The following MBOAT1 variants were observed in gnomAD, a reference collection of about 807,000 sequenced individuals.
MBOAT1 encodes the protein membrane bound glycerophospholipid O-acyltransferase 1.
Under a neutral mutation model 64.4 loss-of-function variants are expected in MBOAT1, and 67 were observed. That is an observed-to-expected ratio of 1.04 (90% CI 0.85 to 1.27). The LOEUF is 1.27. Among genes scored for constraint, MBOAT1 ranks in the 50% most tolerant of loss-of-function variants. MBOAT1 has a pLI of 0.00. For missense variants in MBOAT1, 563 were observed against 604.6 expected (o/e 0.93, Z 0.72); for synonymous variants, 229 against 218.9 (o/e 1.05, Z -0.41).
chr6:20,210,199 T>G (rs1763380778), intron 1 of MBOAT1, among the ~76,000 whole-genome samples: 2 of 152,158 alleles, frequency 1.3e-5, no homozygotes, highest in African/African-American at 4.8e-5. Flanking sequence ...CCATTTTACA[T>G]GAGGATGCTG....
At chr6:20,197,793 T>G (rs1312257854) in intron 1 of MBOAT1, among the ~76,000 whole-genome samples, 1 of 152,200 alleles carries the variant, frequency 6.6e-6, no homozygotes, top group Non-Finnish European at 1.5e-5. Flanking sequence ...GTGTCACAGG[T>G]GTATCCTTAA....
chr6:20,118,211 T>C (rs1193036479), intron 9 of MBOAT1, among the ~76,000 whole-genome samples: 2 of 152,040 alleles, frequency 1.3e-5, no homozygotes, highest in Non-Finnish European at 2.9e-5. Context: ...TGTGTCATTC[T>C]TCCTTGAACC....
In MBOAT1 at chr6:20,146,835, C is replaced by T. The variant is rs552621001; in HGVS notation, c.324-2520G>A. On this transcript the variant is annotated intron_variant, in intron 3 of 12. Coordinates refer to ENST00000324607, the MANE Select transcript of MBOAT1 (RefSeq NM_001080480.3). Reference sequence around the variant, plus strand: ...CAACGCATTCATGCCCTGGCCAAACCTAAAACATCTAAGGAATCAAGAAGT... The same window carrying T: ...CAACGCATTCATGCCCTGGCCAAACTTAAAACATCTAAGGAATCAAGAAGT... Among the ~76,000 whole-genome samples, 20 of 152,290 alleles carry T rather than the reference C, an allele frequency of 1.3e-4. No individual in the cohort carries two copies. The East Asian group carries it at 3.7e-3, about 28-fold the overall frequency.
chr6:20,175,930 T>C (rs1031330137), intron 1 of MBOAT1, among the ~76,000 whole-genome samples: 2 of 152,222 alleles, frequency 1.3e-5, no homozygotes, highest in Admixed American at 6.5e-5. Flanking sequence ...AAAAAATATA[T>C]ATACTTTTCT....
rs762594750 is a variant in MBOAT1 at position 20,130,972 on chromosome 6, T to G, written c.475+172A>C. 2.4e-4 allele frequency among the ~76,000 whole-genome samples: 37 copies of G among 152,146 alleles called. 1 individual carries two copies. The highest frequency in any genetic ancestry group is 4.7e-4 in the Non-Finnish European group (32 of 68,030). ...GCCGATTCTGCAGGAAAATGGTGAA[T>G]CATGGCTGGAAAAGTGAAAGGCTAT... On this transcript the variant is annotated intron_variant, in intron 5 of 12. Coordinates refer to ENST00000324607, the MANE Select transcript of MBOAT1 (RefSeq NM_001080480.3).
chr6:20,200,109 T>G (rs543291111), intron 1 of MBOAT1, among the ~76,000 whole-genome samples: 2 of 152,316 alleles, frequency 1.3e-5, no homozygotes, highest in East Asian at 3.9e-4. Context: ...ATAGAAGCTC[T>G]TTGCAAGATC....
intron 1 of MBOAT1, among the ~76,000 whole-genome samples, chr6:20,183,487 T>C (rs1762564672): frequency 1.3e-5 from 2 of 152,220 alleles, no homozygotes; most frequent in South Asian, 4.1e-4. Flanking sequence ...GAAAGTCTCC[T>C]AGACAGGATA....
At chr6:20,167,935 A>T (rs1228485704) in intron 1 of MBOAT1, among the ~76,000 whole-genome samples, 1 of 152,226 alleles carries the variant, frequency 6.6e-6, no homozygotes, top group African/African-American at 2.4e-5. Flanking sequence ...AGAAAAGCTC[A>T]AAGTCACTAA....
At position 20,124,389 on chromosome 6, in the gene MBOAT1, G is replaced by T. The variant is rs1333913351; in HGVS notation, c.907+19C>A. On this transcript the variant is annotated intron_variant, in intron 8 of 12. Coordinates refer to ENST00000324607, the MANE Select transcript of MBOAT1 (RefSeq NM_001080480.3). ...AGCATTTTTCCCTCATTCAGTTACA[G>T]CTACTCCATCAAACTTACCTAATGT... 1 of 1,608,630 alleles carries T rather than the reference G, an allele frequency of 6.2e-7. No homozygotes were observed. Among genetic ancestry groups the T allele is most frequent in the Admixed American group, 1.7e-5 (1 of 59,590 alleles).
chr6:20,142,806 C>T (rs533383928), intron 4 of MBOAT1, among the ~76,000 whole-genome samples: 2 of 152,234 alleles, frequency 1.3e-5, no homozygotes, highest in South Asian at 2.1e-4. Context: ...TGAGAAAGCA[C>T]GCTCCACAAT....
At chr6:20,200,937 G>A (rs1362562753) in intron 1 of MBOAT1, among the ~76,000 whole-genome samples, 5 of 152,060 alleles carry the variant, frequency 3.3e-5, no homozygotes, top group East Asian at 3.9e-4. Context: ...TAAACATCCC[G>A]GAGAGTATCT....
At chr6:20,196,187 C>T (rs1762950327) in intron 1 of MBOAT1, among the ~76,000 whole-genome samples, 1 of 152,168 alleles carries the variant, frequency 6.6e-6, no homozygotes, top group Non-Finnish European at 1.5e-5. Context: ...TTAAGTGAGC[C>T]TGGATTGGGA....
intron 1 of MBOAT1, among the ~76,000 whole-genome samples, chr6:20,170,784 T>A (rs1762165765): frequency 6.6e-6 from 1 of 152,186 alleles, no homozygotes; most frequent in Non-Finnish European, 1.5e-5. Context: ...CACTCTGTAT[T>A]GTAATGACCT....
chr6:20,153,277 A>C (rs1054093990), intron 1 of MBOAT1, among the ~76,000 whole-genome samples: 4 of 152,116 alleles, frequency 2.6e-5, no homozygotes, highest in Non-Finnish European at 5.9e-5. Context: ...GATGTGACAA[A>C]CCCAACAGTT....
chr6:20,112,071 A>G (rs1394718930), intron 11 of MBOAT1, among the ~76,000 whole-genome samples: 1 of 151,036 alleles, frequency 6.6e-6, no homozygotes, highest in East Asian at 1.9e-4. Flanking sequence ...TCCTGAATTC[A>G]CATCCAAAAT....
At chr6:20,124,028 G>C (rs112789740) in intron 8 of MBOAT1, among the ~76,000 whole-genome samples, 64 of 152,282 alleles carry the variant, frequency 4.2e-4, no homozygotes, top group African/African-American at 1.5e-3. Context: ...CTGCGCTCCA[G>C]CCTGGGCGAC....
chr6:20,109,902 C>CTTTTTTTTT (rs1158455991), intron 11 of MBOAT1, among the ~76,000 whole-genome samples, 153 bp from the exon 12 acceptor site: 1 of 94,118 alleles, frequency 1.1e-5, no homozygotes, highest in Non-Finnish European at 2.0e-5. Context: ...ACCATCAGGA[C>CTTTTTTTTT]TTTTTTTTTT....
chr6:20,151,601 C>T (rs936011203), intron 2 of MBOAT1, among the ~76,000 whole-genome samples: 65 of 152,188 alleles, frequency 4.3e-4, no homozygotes, highest in African/African-American at 1.5e-3. Flanking sequence ...CCCAAGATAC[C>T]GAGACTTCTA....
chr6:20,115,154 A>G lies in MBOAT1; in HGVS notation c.1076+134T>C, dbSNP rs1031756262. On this transcript the variant is annotated intron_variant, in intron 10 of 12. Coordinates refer to ENST00000324607, the MANE Select transcript of MBOAT1 (RefSeq NM_001080480.3). ...ACTGTATTTCTACTTTATCATTTAC[A>G]GGGCACAGATGTTAATACAAAACAA... The G allele has an allele frequency of 1.7e-5, 12 of 706,836 alleles. No individual in the cohort carries two copies. In the African/African-American group the frequency reaches 2.1e-4, roughly 13 times the overall value. 43.8% of individuals were successfully genotyped at this position (706,836 alleles called of 1,614,324 possible).
Sources: allele counts gnomAD v4.1 joint callset (sites outside exome capture counted in the v4.1 genomes callset), GRCh38; gene constraint gnomAD v4.1.1; transcripts MANE v1.5; gene names NCBI Gene and HGNC (gene_info 2026-07-23, HGNC 2026-07-21).